Variants in FRMD6 observed in about 807,000 individuals in gnomAD.
The protein encoded by FRMD6 is FERM domain containing 6, also known as FERM domain-containing protein 6.
A neutral mutation model predicts 73.2 loss-of-function variants in FRMD6; 37 were observed. That is an observed-to-expected ratio of 0.51 (90% CI 0.39 to 0.66). FRMD6 has a LOEUF of 0.66. Among genes scored for constraint, FRMD6 ranks in the 30% least tolerant of loss-of-function variants. The probability of loss-of-function intolerance (pLI) is 0.00; values close to 1 mark genes in which losing one functional copy is unlikely to be tolerated. For missense variants in FRMD6, 714 were observed against 780.5 expected, an observed-to-expected ratio of 0.91 and a Z score of 1.02; for synonymous variants, 273 against 282.2, an observed-to-expected ratio of 0.97 and a Z score of 0.33.
intron 2 of FRMD6, among the ~76,000 whole-genome samples, chr14:51,608,054 C>CG (rs1253362342): frequency 1.3e-5 from 2 of 151,976 alleles, no homozygotes; most frequent in African/African-American, 4.8e-5. Context: ...ACCATTATTC[C>CG]CAAACCCAGC....
At chr14:51,548,586 G>C (rs1347096856) in intron 1 of FRMD6, among the ~76,000 whole-genome samples, 2 of 152,160 alleles carry the variant, frequency 1.3e-5, no homozygotes, top group Non-Finnish European at 2.9e-5. Flanking sequence ...GAAAATTGAA[G>C]AAAGTCTGTG....
At chr14:51,533,760 G>C (rs947797682) in intron 1 of FRMD6, among the ~76,000 whole-genome samples, 2 of 152,176 alleles carry the variant, frequency 1.3e-5, no homozygotes, top group Admixed American at 1.3e-4. Flanking sequence ...CTTAGACCCA[G>C]GTTTCCTGTT....
the FRMD6 span, among the ~76,000 whole-genome samples, chr14:51,467,941 G>A: frequency 2.0e-5 from 3 of 152,116 alleles, no homozygotes; most frequent in Non-Finnish European, 2.9e-5. Context: ...AAGGCAGGCG[G>A]CTGGGAGGTG....
At chr14:51,654,495 C>T (rs1892682484) in intron 1 of FRMD6, among the ~76,000 whole-genome samples, 1 of 152,000 alleles carries the variant, frequency 6.6e-6, no homozygotes, top group African/African-American at 2.4e-5. Flanking sequence ...TAAATGAGTC[C>T]TGTCTCACAA....
chr14:51,539,906 C>T (rs1886111029), intron 1 of FRMD6, among the ~76,000 whole-genome samples: 2 of 152,174 alleles, frequency 1.3e-5, no homozygotes. Context: ...TTAGTTCACT[C>T]TAACAAAAAT....
rs147408674 is a variant in FRMD6, at chr14:51,593,222, A to T, written c.-147+22812A>T. Among the ~76,000 whole-genome samples the T allele has an allele frequency of 2.3e-4, 35 of 152,320 alleles. No individual in the cohort carries two copies. The East Asian group carries it at 6.6e-3, about 29-fold the overall frequency. ...GTGAGGAGAGTAGGCAAGGGACTCT[A>T]TAACACTGCCCCAGCGAACAGCTCC... On this transcript the variant is annotated intron_variant, in intron 2 of 14. Transcript: ENST00000356218.
chr14:51,681,330 A>G (rs1195309167), intron 1 of FRMD6, among the ~76,000 whole-genome samples: 1 of 152,208 alleles, frequency 6.6e-6, no homozygotes, highest in African/African-American at 2.4e-5. Context: ...CATGTTTGCA[A>G]ACAACAGTGC....
chr14:51,508,647 A>G (rs902368997), intron 1 of FRMD6, among the ~76,000 whole-genome samples: 6 of 152,352 alleles, frequency 3.9e-5, no homozygotes, highest in African/African-American at 1.4e-4. Flanking sequence ...GTAAGGAGAA[A>G]AACAAGGCTG....
chr14:51,549,636 C>T (rs151183566), intron 1 of FRMD6, among the ~76,000 whole-genome samples: 3,008 of 124,124 alleles, frequency 0.024, 54 homozygotes, highest in Middle Eastern at 0.079. Flanking sequence ...CTCGCTGTCG[C>T]CCGGGCTGGA....
chr14:51,453,901 CAGTT>C, the FRMD6 span, among the ~76,000 whole-genome samples: 3 of 152,162 alleles, frequency 2.0e-5, no homozygotes, highest in African/African-American at 7.2e-5. Flanking sequence ...ATTGTATACT[CAGTT>C]AGGTTGAGTT....
chr14:51,671,357 C>T (rs1893991052), intron 1 of FRMD6, among the ~76,000 whole-genome samples: 1 of 152,026 alleles, frequency 6.6e-6, no homozygotes, highest in East Asian at 1.9e-4. Flanking sequence ...CCAGTGATGC[C>T]ATCTGAGCCT....
At chr14:51,584,911 C>A (rs1016204612) in intron 2 of FRMD6, among the ~76,000 whole-genome samples, 2 of 152,090 alleles carry the variant, frequency 1.3e-5, no homozygotes, top group African/African-American at 4.8e-5. Context: ...TTCTTTGTGG[C>A]TCAGTTTCCT....
chr14:51,708,348 G>A, intron 7 of FRMD6, 115 bp downstream of exon 7: 1 of 1,028,280 alleles, frequency 9.7e-7, no homozygotes, highest in African/African-American at 1.6e-5. Flanking sequence ...TTTTTTACAT[G>A]CTTTTAAAAG....
chr14:51,470,454 T>G, the FRMD6 span, among the ~76,000 whole-genome samples: 2 of 152,022 alleles, frequency 1.3e-5, no homozygotes, highest in African/African-American at 4.8e-5. Context: ...GAGCCGAGAT[T>G]GCGCCACTGC....
At chr14:51,614,444 AC>A (rs1049664020) in intron 2 of FRMD6, among the ~76,000 whole-genome samples, 4 of 152,164 alleles carry the variant, frequency 2.6e-5, no homozygotes, top group Admixed American at 2.0e-4. Context: ...TTGGTTGCAG[AC>A]TTGGTTTATT....
intron 1 of FRMD6, among the ~76,000 whole-genome samples, chr14:51,557,846 C>G (rs1887232765): frequency 6.6e-6 from 1 of 151,964 alleles, no homozygotes; most frequent in Admixed American, 6.6e-5. Flanking sequence ...GGAAAAACTA[C>G]CTTTTGGGTA....
intron 1 of FRMD6, among the ~76,000 whole-genome samples, chr14:51,493,195 C>T (rs1883113264): frequency 6.6e-6 from 1 of 152,174 alleles, no homozygotes; most frequent in South Asian, 2.1e-4. Flanking sequence ...CAACAATCAT[C>T]TATTTGTATC....
intron 1 of FRMD6, among the ~76,000 whole-genome samples, chr14:51,569,546 C>G (rs564487138): frequency 7.8e-4 from 114 of 145,654 alleles, no homozygotes; most frequent in Middle Eastern, 3.5e-3. Flanking sequence ...CTCTGTCGCC[C>G]AGGCTGGCGT....
At chr14:51,503,682 T>G (rs75553451) in intron 1 of FRMD6, among the ~76,000 whole-genome samples, 3 of 31,332 alleles carry the variant, frequency 9.6e-5, no homozygotes, top group Non-Finnish European at 1.9e-4. Context: ...AAGTTTTTTG[T>G]TTTTTTTTTT....
Sources: gnomAD v4.1 joint callset for allele counts (sites outside exome capture counted in the v4.1 genomes callset) on GRCh38, gnomAD v4.1.1 for gene constraint, MANE v1.5 for transcripts, NCBI Gene and HGNC (gene_info 2026-07-23, HGNC 2026-07-21) for gene names.